SSH3: variants seen among roughly 807,000 people sequenced by gnomAD.
SSH3 encodes the protein slingshot protein phosphatase 3, also known as protein phosphatase Slingshot homolog 3.
SSH3 carries 67 observed loss-of-function variants against 75.0 expected under a neutral mutation model. That is an observed-to-expected ratio of 0.89 (90% confidence interval 0.73 to 1.10). The LOEUF (loss-of-function observed/expected upper bound fraction) is 1.10, where lower values mean the gene tolerates loss of function less well. Ranked by LOEUF, SSH3 falls within the 50% of genes least tolerant of loss-of-function variation. SSH3 has a pLI of 0.00. For synonymous variants in SSH3, 318 were observed against 349.2 expected (o/e 0.91, Z 1.00); for missense variants, 824 against 872.7 (o/e 0.94, Z 0.70).
rs1009846078 is a variant in SSH3, at chr11:67,312,179, A to G, written c.*292A>G. 2.0e-6 allele frequency: 1 copy of G among 491,870 alleles called. No homozygotes were observed. The highest frequency in any genetic ancestry group is 3.6e-6 in the Non-Finnish European group (1 of 276,326). The allele number at this position is 491,870 out of a possible 1,614,324, so 30.5% of individuals were successfully genotyped here. A position where few individuals can be genotyped will look rare whatever the true frequency, so the allele number is the denominator to read the frequency against. ...GTACCTTTGGGGGCAACAGCACCCTAGTTTCATTCTCAACTCTAGCCCTGC... is the reference window on the plus strand; with the variant it reads ...GTACCTTTGGGGGCAACAGCACCCTGGTTTCATTCTCAACTCTAGCCCTGC... On this transcript the variant is annotated 3_prime_UTR_variant, in exon 14 of 14. Transcript: ENST00000308127.
rs1861426600 is a variant in SSH3, at chr11:67,311,998, CGTCACTACAGCCTCACCTCCCACCCCT to C, written c.*120_*146del. ...ATTCCTCTCAGCTCCGCCCCATACC[CGTCACTACAGCCTCACCTCCCACCCCT>C]GTCACTACGGCCTCACCTCCCACCC... is the stretch of plus-strand genomic sequence containing the variant. On this transcript the variant is annotated 3_prime_UTR_variant, in exon 14 of 14. Coordinates refer to ENST00000308127, the MANE Select transcript of SSH3 (RefSeq NM_017857.4). 5.6e-6 allele frequency: 8 copies of C among 1,424,814 alleles called. No homozygotes were observed. In the Admixed American group the frequency reaches 1.0e-4, roughly 18 times the overall value. 88.3% of individuals were successfully genotyped at this position (1,424,814 alleles called of 1,614,324 possible).
At chr11:67,303,871 C>T (rs1861141957) in intron 1 of SSH3, 180 bp downstream of exon 1, 1 of 762,140 alleles carries the variant, frequency 1.3e-6, no homozygotes, top group East Asian at 3.3e-5. Context: ...CAATCCAGAG[C>T]CCTGCGCGCC....
In SSH3 at chr11:67,303,692, G is replaced by GT; in HGVS notation, c.66+2dup. The GT allele has an allele frequency of 1.3e-6, 2 of 1,505,470 alleles. No homozygotes were observed. The allele number at this position is 1,505,470 out of a possible 1,614,324, so 93.3% of individuals were successfully genotyped here. On this transcript the variant is annotated splice_donor_variant, in intron 1 of 13. Coordinates refer to ENST00000308127, the MANE Select transcript of SSH3 (RefSeq NM_017857.4). LOFTEE classifies it high-confidence loss of function. ...CGCCTCCACGCCCGTGGGGCCCTGG[G>GT]TGAGTGTGGTCCGGCCGTGGTGCCG... is the stretch of plus-strand genomic sequence containing the variant.
chr11:67,308,090 C>G lies in SSH3; in HGVS notation c.886-84C>G. On this transcript the variant is annotated intron_variant, in intron 8 of 13. Coordinates refer to ENST00000308127, the MANE Select transcript of SSH3 (RefSeq NM_017857.4). The surrounding 1 kb of genome is among the most constrained non-coding windows in gnomAD (Gnocchi z 4.9). The stretch of plus-strand genomic sequence containing the variant: ...TAATCCATCTAGATGGGATAGGGTG[C>G]TGTCCTCAGAGGTCCCAGAGGGAAG... The G allele has an allele frequency of 6.3e-7, 1 of 1,586,554 alleles. No homozygotes were observed. Among genetic ancestry groups the G allele is most frequent in the Non-Finnish European group, 8.6e-7 (1 of 1,166,794 alleles).
intron 1 of SSH3, 113 bp downstream of exon 1, chr11:67,303,804 G>C (rs1373857325): frequency 1.7e-6 from 2 of 1,169,250 alleles, no homozygotes; most frequent in Non-Finnish European, 2.3e-6. Flanking sequence ...GGGGCCCCGG[G>C]GCTCGGGCTG....
Position 67,304,108 on chromosome 11 carries a change from C to T in SSH3, c.67-10C>T, listed in dbSNP as rs762479747. The stretch of plus-strand genomic sequence containing the variant: ...GCCCTCACCCTGCCCTGGGGCTGCT[C>T]TCTCCGCAGGACCAGGCGGTCCAGC... On this transcript the variant is annotated splice_polypyrimidine_tract_variant and intron_variant, in intron 1 of 13. Coordinates refer to ENST00000308127, the MANE Select transcript of SSH3 (RefSeq NM_017857.4). 4.4e-6 allele frequency: 7 copies of T among 1,588,728 alleles called. No homozygotes were observed. Among genetic ancestry groups the T allele is most frequent in the East Asian group, 2.3e-5 (1 of 44,028 alleles).
intron 1 of SSH3, 85 bp downstream of exon 1, chr11:67,303,776 G>C (rs980323529): frequency 6.6e-6 from 9 of 1,359,808 alleles, no homozygotes; most frequent in Non-Finnish European, 7.6e-6. Context: ...GGCTCCTCTC[G>C]AACGGGGACA....
Position 67,307,552 on chromosome 11 carries a change from C to T in SSH3, c.606C>T (p.Ala202=), listed in dbSNP as rs547367212. Residue 202 remains alanine, a synonymous_variant, in exon 7 of 14, where the codon GCC becomes GCT. Coordinates refer to ENST00000308127, the MANE Select transcript of SSH3 (RefSeq NM_017857.4). This position sits in a 1 kb window ranked among gnomAD's most constrained non-coding sequence, Gnocchi z 4.2. The part of the protein sequence containing the change: ...FKPISIQTMW[A]TLQVLHQACE... ...CCAGCCTCTCCTCCTGTCTCAGGGC[C>T]ACACTCCAGGTATTGCACCAAGCAT... 1.9e-6 allele frequency: 3 copies of T among 1,609,540 alleles called. No individual in the cohort carries two copies. In the South Asian group the frequency reaches 3.3e-5, roughly 18 times the overall value.
At chr11:67,304,041 A>G in intron 1 of SSH3, 77 bp from the exon 2 acceptor site, 1 of 1,507,070 alleles carries the variant, frequency 6.6e-7, no homozygotes, top group East Asian at 2.6e-5. Context: ...GGCCTCCCCC[A>G]ACTCTAGAAT....
chr11:67,303,918 C>A (rs964429337), intron 1 of SSH3, 200 bp from the exon 2 acceptor site: 119 of 801,194 alleles, frequency 1.5e-4, no homozygotes, highest in Non-Finnish European at 2.1e-4. Context: ...AGCGCGCCCC[C>A]CGCCACACTC....
chr11:67,309,904 A>G lies in SSH3; in HGVS notation c.1345A>G (p.Ile449Val), dbSNP rs146978903. ...GCGCCACGTGCAGGAGCTCCGGCCC[A>G]TCGCCCGCCCCAACCCTGGCTTCCT... ...ALRHVQELRP[I>V]ARPNPGFLRQ... The change falls in exon 12 of 14, where the codon ATC (isoleucine) becomes GTC (valine). Residue 449 changes from isoleucine (I) to valine (V), a missense_variant. By Grantham distance (29) the Ile-to-Val change is conservative (BLOSUM62 3). Coordinates refer to ENST00000308127, the MANE Select transcript of SSH3 (RefSeq NM_017857.4). 7.4e-6 allele frequency: 12 copies of G among 1,611,516 alleles called. No homozygotes were observed. Among genetic ancestry groups the G allele is most frequent in the Non-Finnish European group, 9.3e-6 (11 of 1,179,956 alleles).
rs1861289918 is a variant in SSH3, at chr11:67,307,794, G to A, written c.792-52G>A. 8.1e-6 allele frequency: 13 copies of A among 1,613,896 alleles called. No individual in the cohort carries two copies. Among genetic ancestry groups the A allele is most frequent in the East Asian group, 2.2e-5 (1 of 44,896 alleles). Reference sequence around the variant, plus strand: ...GGGGAAGGCAGGATAATGCAGTGGGGGGCATGGTGGAGAGGGGAAAGGGCC... The same window carrying A: ...GGGGAAGGCAGGATAATGCAGTGGGAGGCATGGTGGAGAGGGGAAAGGGCC... On this transcript the variant is annotated intron_variant, in intron 7 of 13. Coordinates refer to ENST00000308127, the MANE Select transcript of SSH3 (RefSeq NM_017857.4). This position sits in a 1 kb window ranked among gnomAD's most constrained non-coding sequence, Gnocchi z 4.2.
At position 67,308,001 on chromosome 11, in the gene SSH3, G is replaced by T; in HGVS notation, c.885+62G>T. The T allele has an allele frequency of 6.2e-7, 1 of 1,607,552 alleles. No individual in the cohort carries two copies. The highest frequency in any genetic ancestry group is 8.5e-7 in the Non-Finnish European group (1 of 1,176,450). Reference sequence around the variant, plus strand: ...AGGGGCTGCAAGCTTGCCTTTCCTGGGAGCCCTCCCCACCTTGCCTGTCTC... The same window carrying T: ...AGGGGCTGCAAGCTTGCCTTTCCTGTGAGCCCTCCCCACCTTGCCTGTCTC... On this transcript the variant is annotated intron_variant, in intron 8 of 13. Transcript: ENST00000308127. This position sits in a 1 kb window ranked among gnomAD's most constrained non-coding sequence, Gnocchi z 4.9.
rs376029973 is a variant in SSH3, at chr11:67,309,983, C to T, written c.1409+15C>T. ...CTGACGGCCAGGTATGGGATGGGAGCGAGTGGCAGGGGGTGAGTAGGTGGG... is the reference window on the plus strand; with the variant it reads ...CTGACGGCCAGGTATGGGATGGGAGTGAGTGGCAGGGGGTGAGTAGGTGGG... On this transcript the variant is annotated intron_variant, in intron 12 of 13. Coordinates refer to ENST00000308127, the MANE Select transcript of SSH3 (RefSeq NM_017857.4). 2.0e-5 allele frequency: 32 copies of T among 1,610,102 alleles called. No individual in the cohort carries two copies. Among genetic ancestry groups the T allele is most frequent in the Middle Eastern group, 1.6e-4 (1 of 6,080 alleles).
intron 1 of SSH3, 25 bp downstream of exon 1, chr11:67,303,716 C>T (rs1490926607): frequency 6.9e-7 from 1 of 1,458,644 alleles, no homozygotes. Context: ...GCCGTGGTGC[C>T]GCCCACGCAG....
In SSH3 at chr11:67,308,527, T is replaced by A; in HGVS notation, c.1061+69T>A. ...CTCCTGGCCTCCCCGCATTGGGTGG[T>A]AGCCAGCTTCAAAAACCCCTGGACC... On this transcript the variant is annotated intron_variant, in intron 10 of 13. Coordinates refer to ENST00000308127, the MANE Select transcript of SSH3 (RefSeq NM_017857.4). The surrounding 1 kb of genome is among the most constrained non-coding windows in gnomAD (Gnocchi z 4.9). 2.6e-6 allele frequency: 4 copies of A among 1,538,858 alleles called. No individual in the cohort carries two copies. Among genetic ancestry groups the A allele is most frequent in the Non-Finnish European group, 3.5e-6 (4 of 1,138,378 alleles).
chr11:67,305,057 A>T, intron 3 of SSH3, 50 bp downstream of exon 3: 1 of 1,540,826 alleles, frequency 6.5e-7, no homozygotes, highest in Non-Finnish European at 8.8e-7. Context: ...GACACGCCTG[A>T]GGGCAGAATG....
chr11:67,309,440 T>C lies in SSH3; in HGVS notation c.1105T>C (p.Tyr369His), dbSNP rs777515460. Residue 369 changes from tyrosine to histidine, a missense_variant, in exon 11 of 14, where the codon TAC becomes CAC. Coordinates refer to ENST00000308127, the MANE Select transcript of SSH3 (RefSeq NM_017857.4). The stretch of plus-strand genomic sequence containing the variant: ...CATGGCCCGGGAGATTGACAACTTC[T>C]ACCCTGAGCGCTTCACCTACCACAA... The part of the protein sequence containing the change: ...LNMAREIDNF[Y>H]PERFTYHNVR... 4.3e-6 allele frequency: 7 copies of C among 1,614,166 alleles called. No individual in the cohort carries two copies. The highest frequency in any genetic ancestry group is 5.1e-6 in the Non-Finnish European group (6 of 1,180,026).
intron 3 of SSH3, 109 bp from the exon 4 acceptor site, chr11:67,306,729 G>A (rs1590884707): frequency 3.2e-6 from 4 of 1,266,894 alleles, no homozygotes; most frequent in East Asian, 2.6e-5. Flanking sequence ...GGAAGAGGGG[G>A]GATGGGAGAG....
Sources: gnomAD v4.1 joint callset for allele counts on GRCh38, gnomAD v4.1.1 for gene constraint, Gnocchi (gnomAD v3.1) non-coding constraint, MANE v1.5 for transcripts, NCBI Gene and HGNC (gene_info 2026-07-23, HGNC 2026-07-21) for gene names.